The following RABGAP1L variants were observed in gnomAD, a reference collection of about 807,000 sequenced individuals.
RABGAP1L encodes the protein RAB GTPase activating protein 1 like.
RABGAP1L carries 63 observed loss-of-function variants against 137.7 expected under a neutral mutation model. The ratio of observed to expected loss-of-function variants is 0.46; its 90% CI spans 0.37 to 0.56. RABGAP1L has a LOEUF of 0.56. Ranked by LOEUF, RABGAP1L falls within the 20% of genes least tolerant of loss-of-function variation. The pLI, the probability that RABGAP1L is intolerant of heterozygous loss-of-function variation, is 0.00. For synonymous variants in RABGAP1L, 431 were observed against 433.7 expected, an observed-to-expected ratio of 0.99 and a Z score of 0.08; for missense variants, 1,095 against 1,244.0, an observed-to-expected ratio of 0.88 and a Z score of 1.80.
chr1:174,752,597 A>G (rs1326314873), intron 18 of RABGAP1L, among the ~76,000 whole-genome samples: 1 of 152,098 alleles, frequency 6.6e-6, no homozygotes, highest in African/African-American at 2.4e-5. Flanking sequence ...TCTTTCCAGT[A>G]ACATAAAATA....
intron 11 of RABGAP1L, among the ~76,000 whole-genome samples, chr1:174,334,661 C>T (rs919917264): frequency 2.6e-5 from 4 of 152,188 alleles, no homozygotes; most frequent in African/African-American, 9.7e-5. Flanking sequence ...CTACCTGGAG[C>T]TCTTTTTTTC....
intron 10 of RABGAP1L, among the ~76,000 whole-genome samples, chr1:174,298,706 A>G (rs1677367602): frequency 6.6e-6 from 1 of 152,202 alleles, no homozygotes; most frequent in Non-Finnish European, 1.5e-5. Flanking sequence ...TGACACACCC[A>G]GATAACTGGT....
intron 14 of RABGAP1L, among the ~76,000 whole-genome samples, chr1:174,658,368 T>C (rs1206772440): frequency 6.6e-6 from 1 of 152,184 alleles, no homozygotes; most frequent in Non-Finnish European, 1.5e-5. Context: ...AACTAGGGAT[T>C]CATAGCAGTA....
chr1:174,299,040 A>G lies in RABGAP1L; in HGVS notation c.1324-5946A>G, dbSNP rs184986268. On this transcript the variant is annotated intron_variant, in intron 10 of 25. Coordinates refer to ENST00000681986, the MANE Select transcript of RABGAP1L (RefSeq NM_001366446.1). ...TTTGAAACGTGATTTCTCTCTGTCT[A>G]GTCCTCATGTTAAAAAACAAATCGT... Among the ~76,000 whole-genome samples the G allele has an allele frequency of 1.2e-3, 178 of 152,384 alleles. 1 individual carries two copies. The highest frequency in any genetic ancestry group is 4.2e-3 in the African/African-American group (174 of 41,594).
chr1:174,539,343 G>T (rs536426971), intron 13 of RABGAP1L, among the ~76,000 whole-genome samples: 2 of 151,006 alleles, frequency 1.3e-5, no homozygotes, highest in African/African-American at 4.9e-5. Context: ...TGCACAACAT[G>T]CAGGTTTGTT....
intron 14 of RABGAP1L, among the ~76,000 whole-genome samples, chr1:174,668,443 T>C (rs535149505): frequency 4.7e-4 from 72 of 152,336 alleles, no homozygotes; most frequent in African/African-American, 1.7e-3. Context: ...GACAGGATTG[T>C]CTTTTTTATG....
chr1:174,598,158 A>G lies in RABGAP1L; in HGVS notation c.1711-39217A>G, dbSNP rs1010054036. Among the ~76,000 whole-genome samples, 8 of 152,106 alleles carry G rather than the reference A, an allele frequency of 5.3e-5. No homozygotes were observed. In the East Asian group the frequency reaches 1.5e-3, roughly 29 times the overall value. On this transcript the variant is annotated intron_variant, in intron 13 of 25. Transcript: ENST00000681986. ...ATCCTGGCCAACATGGGAAAACCCC[A>G]TCTCTACTAAAATACAAAAATTAGC...
intron 13 of RABGAP1L, among the ~76,000 whole-genome samples, chr1:174,632,279 G>T (rs1673465507): frequency 6.8e-6 from 1 of 147,806 alleles, no homozygotes; most frequent in African/African-American, 2.6e-5. Flanking sequence ...AGTCTGATGG[G>T]CTTCCCTTTG....
chr1:174,232,089 A>G (rs1670712761), intron 4 of RABGAP1L, among the ~76,000 whole-genome samples: 1 of 152,260 alleles, frequency 6.6e-6, no homozygotes, highest in South Asian at 2.1e-4. Flanking sequence ...AGTGGTTGAA[A>G]GAAACTGGAG....
At chr1:174,729,898 G>A (rs993423858) in intron 17 of RABGAP1L, among the ~76,000 whole-genome samples, 1 of 152,154 alleles carries the variant, frequency 6.6e-6, no homozygotes, top group African/African-American at 2.4e-5. Flanking sequence ...CAGCCACTAT[G>A]GAAAGAGCTT....
intron 19 of RABGAP1L, among the ~76,000 whole-genome samples, chr1:174,848,937 G>C (rs1242336319): frequency 4.6e-5 from 7 of 150,996 alleles, no homozygotes; most frequent in East Asian, 2.0e-4. Context: ...GTGGTGCGCC[G>C]TTTTTTAAGC....
intron 13 of RABGAP1L, among the ~76,000 whole-genome samples, chr1:174,475,802 C>T (rs905470629): frequency 3.9e-5 from 5 of 127,850 alleles, no homozygotes; most frequent in Non-Finnish European, 8.3e-5. Flanking sequence ...AAAAAAAGGT[C>T]AGATCTTTGG....
chr1:174,960,780 A>T (rs1174434593), intron 20 of RABGAP1L, among the ~76,000 whole-genome samples: 1 of 152,192 alleles, frequency 6.6e-6, no homozygotes, highest in East Asian at 1.9e-4. Context: ...ATTAGTGACT[A>T]TTGATCTTAT....
chr1:174,326,819 CAAAT>C (rs1371630158), intron 11 of RABGAP1L, among the ~76,000 whole-genome samples: 3 of 152,038 alleles, frequency 2.0e-5, no homozygotes, highest in Non-Finnish European at 4.4e-5. Context: ...AAGCAAATAA[CAAAT>C]AAGGGAATTT....
chr1:174,535,973 T>C lies in RABGAP1L; in HGVS notation c.1711-101402T>C, dbSNP rs1572213550. Among the ~76,000 whole-genome samples the C allele has an allele frequency of 2.0e-5, 3 of 152,336 alleles. No individual in the cohort carries two copies. In the South Asian group the frequency reaches 6.2e-4, roughly 32 times the overall value. On this transcript the variant is annotated intron_variant, in intron 13 of 25. Coordinates refer to ENST00000681986, the MANE Select transcript of RABGAP1L (RefSeq NM_001366446.1). Reference sequence around the variant, plus strand: ...ACAGTGCCTGCACATTAGTAGGCACTTGGTGAAGATTTGTGAAATGAATGT... The same window carrying C: ...ACAGTGCCTGCACATTAGTAGGCACCTGGTGAAGATTTGTGAAATGAATGT...
intron 13 of RABGAP1L, among the ~76,000 whole-genome samples, chr1:174,439,773 A>G (rs1383383721): frequency 6.6e-6 from 1 of 152,180 alleles, no homozygotes; most frequent in Non-Finnish European, 1.5e-5. Flanking sequence ...TGTGCTTTAT[A>G]TTAAAATTAT....
chr1:174,280,073 GAGAGAGA>G (rs1675379205), intron 10 of RABGAP1L, among the ~76,000 whole-genome samples: 1 of 151,604 alleles, frequency 6.6e-6, no homozygotes, highest in African/African-American at 2.4e-5. Context: ...GAGAGAGAGA[GAGAGAGA>G]GAGAGAGAGA....
intron 13 of RABGAP1L, among the ~76,000 whole-genome samples, chr1:174,572,602 C>T (rs921311472): frequency 4.1e-4 from 62 of 152,084 alleles, no homozygotes; most frequent in Admixed American, 2.7e-3. Context: ...AGGCTGGTCT[C>T]GAACTCCTGA....
intron 11 of RABGAP1L, among the ~76,000 whole-genome samples, chr1:174,323,279 G>A (rs1308135818): frequency 1.3e-5 from 2 of 151,884 alleles, no homozygotes; most frequent in Non-Finnish European, 1.5e-5. Context: ...ATATAAGGAA[G>A]AAGATTCAAA....
Sources: gnomAD v4.1 joint callset for allele counts (sites outside exome capture counted in the v4.1 genomes callset) on GRCh38, gnomAD v4.1.1 for gene constraint, MANE v1.5 for transcripts, NCBI Gene and HGNC (gene_info 2026-07-23, HGNC 2026-07-21) for gene names.